Variants in CROT observed in about 807,000 individuals in gnomAD.
CROT encodes peroxisomal carnitine O-octanoyltransferase.
CROT carries 84 observed loss-of-function variants against 89.2 expected under a neutral mutation model. The ratio of observed to expected loss-of-function variants is 0.94; its 90% CI spans 0.79 to 1.13. The LOEUF (loss-of-function observed/expected upper bound fraction) is 1.13. Ranked by LOEUF, CROT falls within the 50% of genes most tolerant of loss-of-function variation. The probability of loss-of-function intolerance (pLI) is 0.00; values close to 1 mark genes in which losing one functional copy is unlikely to be tolerated. For synonymous variants in CROT, 212 were observed against 239.5 expected (o/e 0.89, Z 1.06); for missense variants, 711 against 727.8 (o/e 0.98, Z 0.27).
At chr7:87,372,424 A>G (rs1806673832) in intron 7 of CROT, among the ~76,000 whole-genome samples, 1 of 152,220 alleles carries the variant, frequency 6.6e-6, no homozygotes, top group Non-Finnish European at 1.5e-5. Context: ...TAAATTTGAC[A>G]TATAATTATT....
Position 87,378,487 on chromosome 7 carries a change from A to G in CROT, c.978+1037A>G, listed in dbSNP as rs139415230. On this transcript the variant is annotated intron_variant, in intron 10 of 17. Coordinates refer to ENST00000331536, the MANE Select transcript of CROT (RefSeq NM_021151.4). ...CTAAATTTGGGTAAAGCTGACTTCA[A>G]TGTTCAAATGCTTTCATTAGAAATC... 5.2e-3 allele frequency among the ~76,000 whole-genome samples: 788 copies of G among 152,324 alleles called. 18 individuals carry two copies. The South Asian group carries it at 0.071, about 14-fold the overall frequency.
At chr7:87,346,899 C>A (rs952991239) in intron 2 of CROT, among the ~76,000 whole-genome samples, 6 of 152,242 alleles carry the variant, frequency 3.9e-5, no homozygotes, top group Middle Eastern at 3.2e-3. Flanking sequence ...TTTCACAAAA[C>A]CGAAACCAAG....
chr7:87,358,590 T>A (rs1806175321), intron 3 of CROT, among the ~76,000 whole-genome samples: 2 of 152,098 alleles, frequency 1.3e-5, no homozygotes, highest in Admixed American at 6.5e-5. Flanking sequence ...ATTATTTAAG[T>A]TAGAGTAAAG....
chr7:87,398,671 C>CA lies in CROT; in HGVS notation c.*31dup. Reference sequence around the variant, plus strand: ...GATGAATCATCTATTAAGCACTTACCAAAACATATCATTAAACTGAGTGCT... The same window carrying CA: ...GATGAATCATCTATTAAGCACTTACCAAAAACATATCATTAAACTGAGTGCT... On this transcript the variant is annotated 3_prime_UTR_variant, in exon 18 of 18. Transcript: ENST00000331536. 1 of 1,603,810 alleles carries CA rather than the reference C, an allele frequency of 6.2e-7. No homozygotes were observed. The highest frequency in any genetic ancestry group is 8.5e-7 in the Non-Finnish European group (1 of 1,175,064).
chr7:87,346,041 C>T (rs1373813313), intron 1 of CROT, among the ~76,000 whole-genome samples: 1 of 152,142 alleles, frequency 6.6e-6, no homozygotes, highest in Non-Finnish European at 1.5e-5. Flanking sequence ...CCCTCTGCTC[C>T]TGCTTCTACC....
chr7:87,353,819 T>C (rs1805961108), intron 3 of CROT, among the ~76,000 whole-genome samples: 1 of 152,214 alleles, frequency 6.6e-6, no homozygotes, highest in Admixed American at 6.5e-5. Flanking sequence ...AAGCCATTCT[T>C]GAGGGCTCTG....
chr7:87,346,098 T>C (rs889316209), intron 1 of CROT, among the ~76,000 whole-genome samples: 2 of 152,168 alleles, frequency 1.3e-5, no homozygotes, highest in African/African-American at 4.8e-5. Flanking sequence ...TGAAAACGTA[T>C]CCTCTACCCT....
chr7:87,398,623 G>A lies in CROT; in HGVS notation c.1818G>A (p.Leu606=). The A allele has an allele frequency of 6.2e-7, 1 of 1,613,402 alleles. No homozygotes were observed. Among genetic ancestry groups the A allele is most frequent in the Admixed American group, 1.7e-5 (1 of 59,960 alleles). Reference sequence around the variant, plus strand: ...GTGCTTTTCATGATATGATACAGCTGATGAACTCTACTCATCTTTAGAGAT... The same window carrying A: ...GTGCTTTTCATGATATGATACAGCTAATGAACTCTACTCATCTTTAGAGAT... ...TFCAFHDMIQ[L]MNSTHL The change falls in exon 18 of 18, where the codon CTG becomes CTA. Residue 606 remains leucine (L), a synonymous_variant. Coordinates refer to ENST00000331536, the MANE Select transcript of CROT (RefSeq NM_021151.4).
chr7:87,363,978 G>T lies in CROT; in HGVS notation c.547+2126G>T, dbSNP rs945673746. On this transcript the variant is annotated intron_variant, in intron 6 of 17. Coordinates refer to ENST00000331536, the MANE Select transcript of CROT (RefSeq NM_021151.4). ...GGAATCAGATTACTTCAACATATTT[G>T]GCTTGAGCAGCTAACAGGGTAGGTG... Among the ~76,000 whole-genome samples the T allele has an allele frequency of 5.9e-5, 9 of 152,274 alleles. 2 individuals carry two copies.
intron 7 of CROT, among the ~76,000 whole-genome samples, chr7:87,375,063 G>A (rs948698958): frequency 6.6e-6 from 1 of 152,124 alleles, no homozygotes; most frequent in East Asian, 1.9e-4. Context: ...TGGAGGGGGA[G>A]TAGTTTATCC....
chr7:87,376,696 G>A (rs1806821973), intron 9 of CROT, among the ~76,000 whole-genome samples: 1 of 150,450 alleles, frequency 6.6e-6, no homozygotes, highest in South Asian at 2.1e-4. Context: ...TTAATGCAGT[G>A]TTGTTCAAAG....
At chr7:87,349,387 A>G (rs969238649) in intron 3 of CROT, among the ~76,000 whole-genome samples, 10 of 152,168 alleles carry the variant, frequency 6.6e-5, no homozygotes, top group African/African-American at 2.2e-4. Context: ...AGAGTAGGAC[A>G]TCCTCAGAAA....
intron 13 of CROT, among the ~76,000 whole-genome samples, chr7:87,383,205 G>A (rs1172461701): frequency 6.6e-6 from 1 of 152,044 alleles, no homozygotes; most frequent in East Asian, 1.9e-4. Context: ...AACACTAGAA[G>A]TTATTCCATC....
At chr7:87,363,207 A>G (rs1806335752) in intron 6 of CROT, among the ~76,000 whole-genome samples, 2 of 152,172 alleles carry the variant, frequency 1.3e-5, no homozygotes, top group Admixed American at 1.3e-4. Flanking sequence ...TTAATAATGC[A>G]TCTCTTGATA....
chr7:87,394,712 TAAAA>T (rs1282846127), intron 17 of CROT, among the ~76,000 whole-genome samples: 1 of 152,070 alleles, frequency 6.6e-6, no homozygotes, highest in East Asian at 1.9e-4. Flanking sequence ...TTTCTTGCTA[TAAAA>T]AGGCATACCT....
In CROT at chr7:87,382,536, C is replaced by T. The variant is rs747432281; in HGVS notation, c.1294C>T (p.His432Tyr). Residue 432 changes from histidine to tyrosine, a missense_variant, in exon 13 of 18, where the codon CAT (histidine) becomes TAT (tyrosine). Transcript: ENST00000331536. ...ACTTCAGCTGGCCTATTACAGACTT[C>T]ATGGACAGTAAGGACCATTCAGTTT... ...LALQLAYYRL[H>Y]GHPGCCYETA... is the part of the protein sequence containing the mutation. 4.3e-6 allele frequency: 7 copies of T among 1,613,380 alleles called. 1 individual carries two copies. In the South Asian group the frequency reaches 7.7e-5, roughly 18 times the overall value.
At chr7:87,367,047 G>T (rs1302594315) in intron 6 of CROT, among the ~76,000 whole-genome samples, 1 of 152,132 alleles carries the variant, frequency 6.6e-6, no homozygotes, top group Non-Finnish European at 1.5e-5. Flanking sequence ...TTTCAGTGAT[G>T]GGCAGAATAA....
At chr7:87,391,494 C>G (rs982538227) in intron 13 of CROT, 95 bp from the exon 14 acceptor site, 6 of 1,239,574 alleles carry the variant, frequency 4.8e-6, no homozygotes, top group Non-Finnish European at 6.6e-6. Context: ...AGGGCTTAGT[C>G]TCTGAACAAA....
Position 87,392,764 on chromosome 7 carries a change from A to G in CROT, c.1539A>G (p.Ile513Met), listed in dbSNP as rs367684692. The G allele has an allele frequency of 1.9e-6, 3 of 1,613,804 alleles. No homozygotes were observed. The highest frequency in any genetic ancestry group is 8.5e-7 in the Non-Finnish European group (1 of 1,179,830). Residue 513 changes from isoleucine to methionine, a missense_variant, in exon 16 of 18, where the codon ATA becomes ATG. Coordinates refer to ENST00000331536, the MANE Select transcript of CROT (RefSeq NM_021151.4). ...FDRHLLGLLL[I>M]AKEEGLPVPE... ...GTCACCTTTTAGGTCTCTTACTCAT[A>G]GCAAAAGAGGAAGGTCTTCCTGTTC...
Sources: gnomAD v4.1 joint callset for allele counts (sites outside exome capture counted in the v4.1 genomes callset) on GRCh38, gnomAD v4.1.1 for gene constraint, MANE v1.5 for transcripts, NCBI Gene and HGNC (gene_info 2026-07-23, HGNC 2026-07-21) for gene names.